The following SLC12A5 variants were observed in gnomAD, a reference collection of about 807,000 sequenced individuals.
SLC12A5 encodes the protein K-Cl cotransporter 2.
In SLC12A5, 18 loss-of-function variants were observed where a neutral mutation model predicts 124.0. That is an observed-to-expected ratio of 0.15 (90% confidence interval 0.10 to 0.22). SLC12A5 has a LOEUF of 0.22. Ranked by LOEUF, SLC12A5 falls within the 10% of genes least tolerant of loss-of-function variation. The pLI, the probability that SLC12A5 is intolerant of heterozygous loss-of-function variation, is 1.00. For missense variants in SLC12A5, 867 were observed against 1,478.7 expected, an observed-to-expected ratio of 0.59 and a Z score of 6.78; for synonymous variants, 589 against 568.0, an observed-to-expected ratio of 1.04 and a Z score of -0.53.
chr20:46,056,617 C>A lies in SLC12A5; in HGVS notation c.3110+53C>A, dbSNP rs997475610. The A allele has an allele frequency of 3.2e-6, 5 of 1,555,726 alleles. No homozygotes were observed. Among genetic ancestry groups the A allele is most frequent in the South Asian group, 1.2e-5 (1 of 84,834 alleles). ...GGCTGGGGTGAGCTAAAGGGTCTTGCTCCCCATGGCAGAGCAAGAGAGCAG... is the reference window on the plus strand; with the variant it reads ...GGCTGGGGTGAGCTAAAGGGTCTTGATCCCCATGGCAGAGCAAGAGAGCAG... On this transcript the variant is annotated intron_variant, in intron 23 of 25. Transcript: ENST00000243964. The surrounding 1 kb of genome is among the most constrained non-coding windows in gnomAD (Gnocchi z 4.3).
chr20:46,035,694 G>A, intron 3 of SLC12A5, 83 bp from the exon 4 acceptor site: 2 of 1,536,168 alleles, frequency 1.3e-6, no homozygotes, highest in South Asian at 2.5e-5. Context: ...GGAAGGTGGG[G>A]GCAGAGAAAC....
chr20:46,029,699 A>G (rs2084428660), intron 1 of SLC12A5, among the ~76,000 whole-genome samples: 1 of 151,996 alleles, frequency 6.6e-6, no homozygotes, highest in African/African-American at 2.4e-5. Context: ...AAGACCTAGA[A>G]TGGGCTGATG....
intron 11 of SLC12A5, 49 bp from the exon 12 acceptor site, chr20:46,044,917 A>C: frequency 6.2e-7 from 1 of 1,610,888 alleles, no homozygotes; most frequent in Non-Finnish European, 8.5e-7. Context: ...CTGCCCTGGA[A>C]ATCCAGGCAG....
chr20:46,024,308 G>C (rs1233438038), upstream of SLC12A5, among the ~76,000 whole-genome samples: 1 of 152,114 alleles, frequency 6.6e-6, no homozygotes, highest in East Asian at 1.9e-4. Flanking sequence ...CTATCTGAGG[G>C]GTGGGTACCT....
At position 46,058,163 on chromosome 20, in the gene SLC12A5, T is replaced by G; in HGVS notation, c.*558T>G. 3.9e-6 allele frequency: 1 copy of G among 255,974 alleles called. No individual in the cohort carries two copies. Among genetic ancestry groups the G allele is most frequent in the Non-Finnish European group, 7.3e-6 (1 of 136,064 alleles). 15.9% of individuals were successfully genotyped at this position (255,974 alleles called of 1,614,324 possible). ...CGCGTGTATTTTTAACGTCCCCATA[T>G]TTATGTGACTAGAAGCGCAACAGAC... On this transcript the variant is annotated 3_prime_UTR_variant, in exon 26 of 26. Coordinates refer to ENST00000243964, the MANE Select transcript of SLC12A5 (RefSeq NM_020708.5). The surrounding 1 kb of genome is among the most constrained non-coding windows in gnomAD (Gnocchi z 5.8).
chr20:46,029,889 T>TGTGTGTGTGTGC (rs1353696590), intron 1 of SLC12A5, among the ~76,000 whole-genome samples: 16 of 75,278 alleles, frequency 2.1e-4, no homozygotes, highest in African/African-American at 9.0e-4. Context: ...TGTGTGTGTG[T>TGTGTGTGTGTGC]GCGCGCGCGT....
chr20:46,051,823 G>T lies in SLC12A5; in HGVS notation c.2330G>T (p.Arg777Leu). The T allele has an allele frequency of 6.4e-7, 1 of 1,574,310 alleles. No homozygotes were observed. Among genetic ancestry groups the T allele is most frequent in the Non-Finnish European group, 8.6e-7 (1 of 1,162,464 alleles). The change falls in exon 18 of 26, where the codon CGC becomes CTC. Residue 777 changes from arginine (R) to leucine (L), a missense_variant. Arg to Leu is a moderately radical substitution (Grantham distance 102). Around this residue, in one of 9 missense-constraint regions of SLC12A5, gnomAD observed 110 missense variants for 149.9 expected, o/e 0.73. Transcript: ENST00000243964. ...QHNTVLVGWP[R>L]NWRQKEDHQT... ...AACACTGTGCTTGTTGGCTGGCCCC[G>T]CAACTGGCGCCAGAAGGAAGATCAT... is the stretch of plus-strand genomic sequence containing the variant.
chr20:46,033,446 C>T (rs541093957), intron 1 of SLC12A5, among the ~76,000 whole-genome samples: 3 of 147,914 alleles, frequency 2.0e-5, no homozygotes, highest in Admixed American at 6.8e-5. Flanking sequence ...AGGGACCTTC[C>T]CCCCTGGTGC....
rs762881878 is a variant in SLC12A5 at position 46,057,157 on chromosome 20, C to A, written c.3126-13C>A. On this transcript the variant is annotated splice_polypyrimidine_tract_variant and intron_variant, in intron 24 of 25. Transcript: ENST00000243964. This position sits in a 1 kb window ranked among gnomAD's most constrained non-coding sequence, Gnocchi z 7.1. ...CCGGCTCACGCGGTCTCCACTCCTCCTTCCTGCCGCAGGAACCAGTCCAAC... is the reference window on the plus strand; with the variant it reads ...CCGGCTCACGCGGTCTCCACTCCTCATTCCTGCCGCAGGAACCAGTCCAAC... 1.9e-6 allele frequency: 3 copies of A among 1,613,906 alleles called. No individual in the cohort carries two copies. Among genetic ancestry groups the A allele is most frequent in the Admixed American group, 3.3e-5 (2 of 60,022 alleles).
intron 1 of SLC12A5, among the ~76,000 whole-genome samples, chr20:46,022,528 G>T (rs1031617831): frequency 6.6e-6 from 1 of 152,064 alleles, no homozygotes. Flanking sequence ...CTCCCTGGAG[G>T]CTTAGCGGAC....
intron 8 of SLC12A5, among the ~76,000 whole-genome samples, chr20:46,042,785 T>C (rs377065008): frequency 6.6e-6 from 1 of 151,764 alleles, no homozygotes; most frequent in African/African-American, 2.4e-5. Flanking sequence ...GGTGTCAGAA[T>C]TGATGATGGT....
chr20:46,028,283 C>G (rs1013406874), upstream of SLC12A5, among the ~76,000 whole-genome samples: 1 of 152,226 alleles, frequency 6.6e-6, no homozygotes, highest in South Asian at 2.1e-4. Context: ...CGCCCTCCCC[C>G]ACTCTGTCCC....
upstream of SLC12A5, chr20:46,029,091 A>T (rs904772154): frequency 1.5e-6 from 2 of 1,311,646 alleles, no homozygotes; most frequent in African/African-American, 3.1e-5. Context: ...TCCCCCCAAA[A>T]CCCCGCCAGT....
At chr20:46,021,865 C>G in exon 1 of SLC12A5, 1 of 1,530,258 alleles carries the variant, frequency 6.5e-7, no homozygotes, top group Non-Finnish European at 8.7e-7. Context: ...CCCCCGCCAC[C>G]TCCCGGGGGA....
intron 14 of SLC12A5, among the ~76,000 whole-genome samples, chr20:46,047,099 C>G (rs1450543713): frequency 1.3e-5 from 2 of 152,240 alleles, no homozygotes; most frequent in African/African-American, 4.8e-5. Context: ...GATGCTCCGG[C>G]TTTGCTGGTG....
In SLC12A5 at chr20:46,056,481, C is replaced by T. The variant is rs201194560; in HGVS notation, c.3027C>T (p.Thr1009=). Residue 1009 remains threonine, a synonymous_variant, in exon 23 of 26, where the codon ACC becomes ACT. Transcript: ENST00000243964. This position sits in a 1 kb window ranked among gnomAD's most constrained non-coding sequence, Gnocchi z 4.3. ...TDPEKVHLTW[T]KDKSVAEKNK... ...CGGAGAAGGTGCATCTCACCTGGAC[C>T]AAGGACAAGTCGGTGGCAGAGAAGA... The T allele has an allele frequency of 1.2e-6, 2 of 1,614,146 alleles. No individual in the cohort carries two copies. Among genetic ancestry groups the T allele is most frequent in the Non-Finnish European group, 1.7e-6 (2 of 1,180,012 alleles).
Position 46,035,830 on chromosome 20 carries a change from C to T in SLC12A5, c.333C>T (p.Ile111=), listed in dbSNP as rs2084493823. 1 of 1,614,034 alleles carries T rather than the reference C, an allele frequency of 6.2e-7. No homozygotes were observed. The highest frequency in any genetic ancestry group is 8.5e-7 in the Non-Finnish European group (1 of 1,179,998). The change falls in exon 4 of 26, where the codon ATC becomes ATT. Residue 111 remains isoleucine, a synonymous_variant. Transcript: ENST00000243964. The stretch of plus-strand genomic sequence containing the variant: ...TGTACCTGCCGTGCCTGCAGAACAT[C>T]TTTGGCGTCATCCTCTTCCTGCGGC... ...MGVYLPCLQN[I]FGVILFLRLT...
At chr20:46,033,766 C>T (rs2084474044) in intron 1 of SLC12A5, among the ~76,000 whole-genome samples, 1 of 152,160 alleles carries the variant, frequency 6.6e-6, no homozygotes, top group African/African-American at 2.4e-5. Flanking sequence ...TAGGTTCTTC[C>T]TCTCCCCCTC....
chr20:46,049,712 G>T lies in SLC12A5; in HGVS notation c.2103G>T (p.Gly701=). Residue 701 remains glycine (G), a synonymous_variant, in exon 17 of 26, where the codon GGG becomes GGT. Coordinates refer to ENST00000243964, the MANE Select transcript of SLC12A5 (RefSeq NM_020708.5). The part of the protein sequence containing the change: ...LLSLTSQLKA[G]KGLTIVGSVL... Reference sequence around the variant, plus strand: ...CACTGACCTCCCAGCTGAAGGCGGGGAAGGGCCTGACCATCGTGGGCTCTG... The same window carrying T: ...CACTGACCTCCCAGCTGAAGGCGGGTAAGGGCCTGACCATCGTGGGCTCTG... 6.2e-7 allele frequency: 1 copy of T among 1,604,950 alleles called. No individual in the cohort carries two copies. Among genetic ancestry groups the T allele is most frequent in the South Asian group, 1.1e-5 (1 of 88,682 alleles).
Sources: allele counts gnomAD v4.1 joint callset (sites outside exome capture counted in the v4.1 genomes callset), GRCh38; gene constraint gnomAD v4.1.1; regional missense constraint gnomAD v4.1.1; non-coding constraint Gnocchi (gnomAD v3.1); transcripts MANE v1.5; gene names NCBI Gene and HGNC (gene_info 2026-07-23, HGNC 2026-07-21).